PREX2: variants seen among roughly 807,000 people sequenced by gnomAD.
PREX2 encodes the protein phosphatidylinositol-3,4,5-trisphosphate dependent Rac exchange factor 2.
In PREX2, 107 loss-of-function variants were observed where a neutral mutation model predicts 203.2. The observed-to-expected ratio is 0.53, with a 90% CI of 0.45 to 0.62. The LOEUF (loss-of-function observed/expected upper bound fraction) is 0.62. Ranked by LOEUF, PREX2 falls within the 20% of genes least tolerant of loss-of-function variation. PREX2 has a pLI of 0.00. For synonymous variants in PREX2, 672 were observed against 663.6 expected (o/e 1.01, Z -0.19); for missense variants, 1,777 against 1,955.9 (o/e 0.91, Z 1.72).
intron 33 of PREX2, among the ~76,000 whole-genome samples, chr8:68,140,302 C>T (rs1811201876): frequency 6.6e-6 from 1 of 152,204 alleles, no homozygotes; most frequent in Admixed American, 6.6e-5. Context: ...AGCGTAACCT[C>T]AACTTCTGAA....
At chr8:68,130,069 G>C (rs968345864) in intron 31 of PREX2, among the ~76,000 whole-genome samples, 60 of 144,572 alleles carry the variant, frequency 4.2e-4, no homozygotes, top group African/African-American at 1.4e-3. Flanking sequence ...TTTGAGGTTA[G>C]GAGTTTGAGA....
rs1415130684 is a variant in PREX2, at chr8:68,017,960, T to C, written c.213+43T>C. ...GCCTTCAACCTGAGCATGAGTTTCC[T>C]ATAGATAAATTTTGCTGGTGCCATG... On this transcript the variant is annotated intron_variant, in intron 2 of 39. Coordinates refer to ENST00000288368, the MANE Select transcript of PREX2 (RefSeq NM_024870.4). 3.3e-6 allele frequency: 5 copies of C among 1,519,858 alleles called. No individual in the cohort carries two copies. In the African/African-American group the frequency reaches 4.2e-5, roughly 13 times the overall value. The allele number at this position is 1,519,858 out of a possible 1,614,324, so 94.1% of individuals were successfully genotyped here. A position where few individuals can be genotyped will look rare whatever the true frequency, so the allele number is the denominator to read the frequency against.
At chr8:68,181,112 G>T (rs369378090) in intron 35 of PREX2, among the ~76,000 whole-genome samples, 139 of 152,164 alleles carry the variant, frequency 9.1e-4, no homozygotes, top group African/African-American at 3.0e-3. Flanking sequence ...TCGGTTAGTT[G>T]CCTAGGTATT....
At chr8:68,145,170 C>G (rs981995305) in intron 33 of PREX2, among the ~76,000 whole-genome samples, 1 of 151,992 alleles carries the variant, frequency 6.6e-6, no homozygotes, top group Non-Finnish European at 1.5e-5. Context: ...AATTTTCAAC[C>G]CTTTGGGTGA....
chr8:68,174,533 A>G (rs971608958), intron 35 of PREX2, among the ~76,000 whole-genome samples: 4 of 152,064 alleles, frequency 2.6e-5, no homozygotes, highest in African/African-American at 9.7e-5. Flanking sequence ...TCCTTGGCCA[A>G]TTCCTACCCA....
At chr8:68,130,114 C>CAAA (rs71253064) in intron 31 of PREX2, among the ~76,000 whole-genome samples, 1,114 of 102,538 alleles carry the variant, frequency 0.011, 30 homozygotes, top group East Asian at 0.069. Context: ...CCTGCCTCTG[C>CAAA]AAAAAAAAAA....
intron 1 of PREX2, among the ~76,000 whole-genome samples, chr8:68,008,663 A>C (rs1563497618): frequency 6.6e-6 from 1 of 152,136 alleles, no homozygotes; most frequent in South Asian, 2.1e-4. Context: ...CATAATCCCC[A>C]TGTGTTATGG....
intron 37 of PREX2, among the ~76,000 whole-genome samples, chr8:68,201,020 A>G (rs1812491186): frequency 1.3e-5 from 2 of 152,214 alleles, no homozygotes; most frequent in African/African-American, 2.4e-5. Flanking sequence ...TAAATACAGT[A>G]TCTACTTTAA....
chr8:68,077,582 G>C (rs1462129458), intron 15 of PREX2, 113 bp downstream of exon 15: 8 of 809,780 alleles, frequency 9.9e-6, no homozygotes, highest in Middle Eastern at 2.2e-4. Flanking sequence ...CAGCAAGACT[G>C]TCTGGGTCTT....
At position 68,080,438 on chromosome 8, in the gene PREX2, T is replaced by G. The variant is rs776310636; in HGVS notation, c.1643-5T>G. ...GAAATAATTTGCATCTGTCTTTTTC[T>G]GTAGTCCTTGAAAAAAGCGAATTCA... On this transcript the variant is annotated splice_polypyrimidine_tract_variant and splice_region_variant and intron_variant, in intron 15 of 39. Transcript: ENST00000288368. 6.2e-7 allele frequency: 1 copy of G among 1,610,918 alleles called. No individual in the cohort carries two copies. Among genetic ancestry groups the G allele is most frequent in the Admixed American group, 1.7e-5 (1 of 59,340 alleles).
At chr8:68,181,850 A>T (rs1812091907) in intron 35 of PREX2, among the ~76,000 whole-genome samples, 1 of 152,090 alleles carries the variant, frequency 6.6e-6, no homozygotes, top group Non-Finnish European at 1.5e-5. Context: ...GTTGGGATAA[A>T]AGAGAAACTG....
intron 31 of PREX2, among the ~76,000 whole-genome samples, chr8:68,132,617 T>C (rs1811030727): frequency 6.6e-6 from 1 of 152,220 alleles, no homozygotes; most frequent in Non-Finnish European, 1.5e-5. Context: ...TTCAGTGTTC[T>C]TGGTAAATCT....
intron 38 of PREX2, among the ~76,000 whole-genome samples, chr8:68,218,846 G>A (rs570002290): frequency 5.3e-5 from 8 of 152,168 alleles, no homozygotes; most frequent in Non-Finnish European, 7.3e-5. Flanking sequence ...GAAGGTCCAA[G>A]AGAGATTTGT....
chr8:68,228,959 A>G (rs908946437), intron 39 of PREX2, among the ~76,000 whole-genome samples: 23 of 100,394 alleles, frequency 2.3e-4, no homozygotes, highest in Admixed American at 7.0e-4. Flanking sequence ...AAAAAAAAAA[A>G]AAAAAAAAGA....
At chr8:68,028,781 G>T (rs1347208629) in intron 5 of PREX2, among the ~76,000 whole-genome samples, 2 of 151,970 alleles carry the variant, frequency 1.3e-5, no homozygotes, top group African/African-American at 4.8e-5. Flanking sequence ...ATTTAAGAAG[G>T]GATAGGGAGA....
intron 4 of PREX2, among the ~76,000 whole-genome samples, chr8:68,025,154 T>A (rs1273622583): frequency 6.6e-6 from 1 of 152,042 alleles, no homozygotes; most frequent in East Asian, 1.9e-4. Flanking sequence ...TACTTCTTCT[T>A]CTTGTAAGTC....
At chr8:67,984,823 C>G (rs1806369813) in intron 1 of PREX2, among the ~76,000 whole-genome samples, 1 of 152,152 alleles carries the variant, frequency 6.6e-6, no homozygotes, top group Non-Finnish European at 1.5e-5. Context: ...AATTCCCAGC[C>G]TTCCCAGAAG....
chr8:67,982,431 A>T (rs901157126), intron 1 of PREX2, among the ~76,000 whole-genome samples: 2 of 152,114 alleles, frequency 1.3e-5, no homozygotes, highest in Non-Finnish European at 2.9e-5. Context: ...TCTAAAAAAA[A>T]ATTAAAAGTG....
chr8:68,213,024 G>T (rs752437787), intron 37 of PREX2, among the ~76,000 whole-genome samples: 13 of 152,024 alleles, frequency 8.6e-5, no homozygotes, highest in African/African-American at 3.1e-4. Flanking sequence ...ATGACCTCTG[G>T]CCCTGCACCT....
Sources: gnomAD v4.1 joint callset for allele counts (sites outside exome capture counted in the v4.1 genomes callset) on GRCh38, gnomAD v4.1.1 for gene constraint, MANE v1.5 for transcripts, NCBI Gene and HGNC (gene_info 2026-07-23, HGNC 2026-07-21) for gene names.